Variants in NLRP7 observed in about 807,000 individuals in gnomAD.
The protein encoded by NLRP7 is NACHT, LRR and PYD domains-containing protein 7.
A neutral mutation model predicts 85.5 loss-of-function variants in NLRP7; 72 were observed. The observed-to-expected ratio is 0.84, with a 90% CI of 0.70 to 1.02. The LOEUF is 1.02. Among genes scored for constraint, NLRP7 ranks in the 50% least tolerant of loss-of-function variants. NLRP7 has a pLI of 0.00. For missense variants in NLRP7, 1,243 were observed against 1,219.5 expected, an observed-to-expected ratio of 1.02 and a Z score of -0.29; for synonymous variants, 550 against 505.2, an observed-to-expected ratio of 1.09 and a Z score of -1.19.
Position 54,934,152 on chromosome 19 carries a change from A to G in NLRP7, c.2471+337T>C, listed in dbSNP as rs1242372429. Among the ~76,000 whole-genome samples, 1 of 152,210 alleles carries G rather than the reference A, an allele frequency of 6.6e-6. No homozygotes were observed. Among genetic ancestry groups the G allele is most frequent in the Non-Finnish European group, 1.5e-5 (1 of 68,038 alleles). On this transcript the variant is annotated intron_variant, in intron 7 of 9. Coordinates refer to ENST00000340844, the Ensembl canonical transcript of NLRP7. This position sits in a 1 kb window ranked among gnomAD's most constrained non-coding sequence, Gnocchi z 6.7. ...GAGACGGGGTTTCACCATGTTAGCCAGGATGGTCTCGATCTCTTGACCTCG... is the reference window on the plus strand; with the variant it reads ...GAGACGGGGTTTCACCATGTTAGCCGGGATGGTCTCGATCTCTTGACCTCG...
chr19:54,934,795 C>CG lies in NLRP7; in HGVS notation c.2301-137dup, dbSNP rs545454081. ...CGTGATCTCACCTCACTGCAGCCTC[C>CG]GCCTCCCGGGTTCAAGCTATTCTCC... is the stretch of plus-strand genomic sequence containing the variant. On this transcript the variant is annotated intron_variant, in intron 6 of 9. Coordinates refer to ENST00000340844, the Ensembl canonical transcript of NLRP7. The surrounding 1 kb of genome is among the most constrained non-coding windows in gnomAD (Gnocchi z 6.7). The CG allele has an allele frequency of 2.0e-4, 140 of 683,946 alleles. 1 individual carries two copies. The African/African-American group carries it at 2.1e-3, about 10-fold the overall frequency. 42.4% of individuals were successfully genotyped at this position (683,946 alleles called of 1,614,324 possible).
intron 9 of NLRP7, among the ~76,000 whole-genome samples, chr19:54,928,905 C>T (rs890534407): frequency 7.2e-5 from 11 of 151,978 alleles, no homozygotes; most frequent in East Asian, 1.9e-4. Flanking sequence ...TGGGTTCAAG[C>T]GATTCTCCTG....
At position 54,938,068 on chromosome 19, in the gene NLRP7, C is replaced by G. The variant is rs139797510; in HGVS notation, c.2105G>C (p.Ser702Thr). The change falls in exon 5 of 10, where the codon AGC (serine) becomes ACC (threonine). Residue 702 changes from serine to threonine, a missense_variant. Ser to Thr is a moderately conservative substitution (Grantham distance 58). This residue lies in a region of NLRP7 where 613 missense variants were observed against 588.4 expected (regional missense o/e 1.04). Coordinates refer to ENST00000340844, the Ensembl canonical transcript of NLRP7. ...CTCCACTTTCTGCAGATGACAGGTG[C>G]TACGGGTTACGTGGTCACAAAGAAT... The G allele has an allele frequency of 1.5e-5, 24 of 1,613,880 alleles. No homozygotes were observed. The highest frequency in any genetic ancestry group is 3.3e-4 in the Middle Eastern group (2 of 6,082).
At chr19:54,928,873 G>A (rs2068555568) in intron 9 of NLRP7, among the ~76,000 whole-genome samples, 1 of 151,948 alleles carries the variant, frequency 6.6e-6, no homozygotes, top group Non-Finnish European at 1.5e-5. Context: ...CGTGATCTCG[G>A]CTCACTGCAA....
At chr19:54,959,519 A>C (rs1215183378) in intron 1 of NLRP7, among the ~76,000 whole-genome samples, 9 of 151,348 alleles carry the variant, frequency 5.9e-5, no homozygotes. Flanking sequence ...CCTCACCAGC[A>C]CTTTGGGAGG....
rs186969866 is a variant in NLRP7 at position 54,953,566 on chromosome 19, C to T, written c.-76-6061G>A. ...TTTCATTCCTGGGCCGCGGGGCTGT[C>T]TGCTTGTGGATTTCATTCCTGGGGC... is the stretch of plus-strand genomic sequence containing the variant. On this transcript the variant is annotated intron_variant, in intron 1 of 2. Transcript: ENST00000587103. 1.1e-4 allele frequency among the ~76,000 whole-genome samples: 17 copies of T among 151,922 alleles called. No individual in the cohort carries two copies. The East Asian group carries it at 2.3e-3, about 21-fold the overall frequency.
At chr19:54,956,021 T>A (rs543416376) in intron 1 of NLRP7, among the ~76,000 whole-genome samples, 1 of 152,018 alleles carries the variant, frequency 6.6e-6, no homozygotes, top group African/African-American at 2.4e-5. Context: ...ATGCCTGTAG[T>A]CCCAGCTACT....
At chr19:54,944,472 A>G (rs905927921) in intron 1 of NLRP7, among the ~76,000 whole-genome samples, 3 of 152,030 alleles carry the variant, frequency 2.0e-5, no homozygotes. Flanking sequence ...TTGTCCTGCC[A>G]CATCCCCGTC....
At position 54,923,929 on chromosome 19, in the gene NLRP7, T is replaced by G. The variant is rs552084949; in HGVS notation, c.2811-57A>C. 3.2e-6 allele frequency: 5 copies of G among 1,574,220 alleles called. No homozygotes were observed. The African/African-American group carries it at 6.7e-5, about 21-fold the overall frequency. ...GAAATTCATTCTCAACTACCCAGGA[T>G]GCCTGAATATCTGTTTTCAAACACT... On this transcript the variant is annotated intron_variant, in intron 9 of 9. Coordinates refer to ENST00000340844, the Ensembl canonical transcript of NLRP7.
chr19:54,953,899 C>G (rs1181170315), intron 1 of NLRP7, among the ~76,000 whole-genome samples: 1 of 151,524 alleles, frequency 6.6e-6, no homozygotes, highest in East Asian at 2.0e-4. Context: ...CCCAGCTACT[C>G]GGGAGGCTGA....
At chr19:54,950,226 C>T (rs542927540), upstream of NLRP7, among the ~76,000 whole-genome samples, 27 of 152,246 alleles carry the variant, frequency 1.8e-4, no homozygotes, top group Non-Finnish European at 2.9e-4. Flanking sequence ...CTTCGGACTC[C>T]TCTAAACCTC....
upstream of NLRP7, among the ~76,000 whole-genome samples, chr19:54,949,703 G>A (rs2069609191): frequency 6.6e-6 from 1 of 152,124 alleles, no homozygotes; most frequent in African/African-American, 2.4e-5. Context: ...CAGGCTCCAA[G>A]TGGCCTCCAG....
Position 54,923,878 on chromosome 19 carries a change from G to A in NLRP7, c.2811-6C>T, listed in dbSNP as rs2068323417. 6.2e-7 allele frequency: 1 copy of A among 1,612,540 alleles called. No homozygotes were observed. Among genetic ancestry groups the A allele is most frequent in the East Asian group, 2.2e-5 (1 of 44,656 alleles). On this transcript the variant is annotated splice_polypyrimidine_tract_variant and splice_region_variant and intron_variant, in intron 9 of 9. Coordinates refer to ENST00000340844, the Ensembl canonical transcript of NLRP7. ...TAGTTTCATAGGTCTTCAACCTGGA[G>A]GGATCAGAGAACACAAATGTTCCCA... is the stretch of plus-strand genomic sequence containing the variant.
At position 54,938,221 on chromosome 19, in the gene NLRP7, G is replaced by A. The variant is rs763189688; in HGVS notation, c.1952C>T (p.Pro651Leu). 2.1e-5 allele frequency: 34 copies of A among 1,613,920 alleles called. No homozygotes were observed. Among genetic ancestry groups the A allele is most frequent in the Middle Eastern group, 1.6e-4 (1 of 6,082 alleles). ...GCGAAGATCCTGCCGAGCCCAGTTC[G>A]GAATGGTTAGGTAAGTGCACCTGCA... Residue 651 changes from proline (P) to leucine (L), a missense_variant, in exon 5 of 10, where the codon CCG becomes CTG. Physicochemically the swap from Pro to Leu is moderately conservative, Grantham distance 98 (BLOSUM62 -3). This residue lies in a region of NLRP7 where 613 missense variants were observed against 588.4 expected (regional missense o/e 1.04). Coordinates refer to ENST00000340844, the Ensembl canonical transcript of NLRP7.
chr19:54,927,018 A>C (rs563468402), intron 9 of NLRP7, among the ~76,000 whole-genome samples: 4 of 151,904 alleles, frequency 2.6e-5, no homozygotes, highest in African/African-American at 9.7e-5. Flanking sequence ...TCAACCTGTG[A>C]GAAGGAGGCT....
At chr19:54,954,094 T>C (rs1348684131) in intron 1 of NLRP7, among the ~76,000 whole-genome samples, 2 of 149,230 alleles carry the variant, frequency 1.3e-5, no homozygotes, top group African/African-American at 2.5e-5. Context: ...CCTCTGGTTG[T>C]CCTCACCGCT....
intron 1 of NLRP7, among the ~76,000 whole-genome samples, chr19:54,945,956 A>AT (rs1385966657): frequency 6.6e-6 from 1 of 150,732 alleles, no homozygotes; most frequent in African/African-American, 2.4e-5. Flanking sequence ...TGCCCAGCTA[A>AT]TTTTTTTTGT....
At chr19:54,952,712 C>G (rs915350408) in intron 1 of NLRP7, among the ~76,000 whole-genome samples, 1 of 152,106 alleles carries the variant, frequency 6.6e-6, no homozygotes, top group Non-Finnish European at 1.5e-5. Flanking sequence ...CACAGTGACC[C>G]GGCAAATTGA....
rs2068641678 is a variant in NLRP7, at chr19:54,930,737, A to G, written c.2643-71T>C. On this transcript the variant is annotated intron_variant, in intron 8 of 9. Coordinates refer to ENST00000340844, the Ensembl canonical transcript of NLRP7. ...ACGCCCTGTGAAGCAGTTATTTCCA[A>G]CACTATATACCTTCCACTTATATAC... 3.2e-6 allele frequency: 4 copies of G among 1,249,466 alleles called. No homozygotes were observed. The East Asian group carries it at 9.3e-5, about 29-fold the overall frequency. The allele number at this position is 1,249,466 out of a possible 1,614,324, so 77.4% of individuals were successfully genotyped here.
Sources: allele counts gnomAD v4.1 joint callset (sites outside exome capture counted in the v4.1 genomes callset), GRCh38; gene constraint gnomAD v4.1.1; regional missense constraint gnomAD v4.1.1; non-coding constraint Gnocchi (gnomAD v3.1); transcripts MANE v1.5; gene names NCBI Gene and HGNC (gene_info 2026-07-23, HGNC 2026-07-21).